Variants in IQSEC1 observed in about 807,000 individuals in gnomAD.
IQSEC1 encodes IQ motif and SEC7 domain-containing protein 1.
A neutral mutation model predicts 91.0 loss-of-function variants in IQSEC1; 31 were observed. That is an observed-to-expected ratio of 0.34 (90% CI 0.26 to 0.46). The LOEUF (loss-of-function observed/expected upper bound fraction) is 0.46. Ranked by LOEUF, IQSEC1 falls within the 20% of genes least tolerant of loss-of-function variation. The probability of loss-of-function intolerance (pLI) is 1.00; values close to 1 mark genes in which losing one functional copy is unlikely to be tolerated. For synonymous variants in IQSEC1, 699 were observed against 662.6 expected (o/e 1.05, Z -0.84); for missense variants, 1,388 against 1,575.6 (o/e 0.88, Z 2.02).
intron 2 of IQSEC1, among the ~76,000 whole-genome samples, chr3:13,112,789 G>T (rs147174176): frequency 6.6e-6 from 1 of 152,340 alleles, no homozygotes; most frequent in Non-Finnish European, 1.5e-5. Flanking sequence ...TGACCACAGG[G>T]CCCAGGTGAC....
chr3:13,111,524 G>A (rs1321319479), intron 2 of IQSEC1, among the ~76,000 whole-genome samples: 2 of 152,168 alleles, frequency 1.3e-5, no homozygotes, highest in Non-Finnish European at 2.9e-5. Context: ...CCTGACCCCT[G>A]GGCTAAACTC....
intron 1 of IQSEC1, among the ~76,000 whole-genome samples, chr3:12,952,504 C>A (rs1177842985): frequency 1.3e-5 from 2 of 152,214 alleles, no homozygotes; most frequent in Non-Finnish European, 2.9e-5. Context: ...GCTCTTCTAG[C>A]CTCACATGCC....
intron 2 of IQSEC1, among the ~76,000 whole-genome samples, chr3:13,096,071 CTA>C (rs1476814208): frequency 5.3e-5 from 8 of 152,204 alleles, no homozygotes; most frequent in Non-Finnish European, 2.9e-5. Flanking sequence ...ATCTGGGCTG[CTA>C]TGAGGCAGAG....
At chr3:13,262,138 T>C (rs181870234) in intron 1 of IQSEC1, among the ~76,000 whole-genome samples, 8 of 152,310 alleles carry the variant, frequency 5.3e-5, no homozygotes, top group South Asian at 2.1e-4. Flanking sequence ...CCGCTGGACC[T>C]GAGCCACACT....
At chr3:13,227,393 A>AAAAAAAAAAAAAAAAAAG (rs1055638536) in intron 1 of IQSEC1, among the ~76,000 whole-genome samples, 1 of 140,900 alleles carries the variant, frequency 7.1e-6, no homozygotes, top group Non-Finnish European at 1.5e-5. Context: ...AAAAAAAAAA[A>AAAAAAAAAAAAAAAAAAG]AAAGAAAGAA....
chr3:13,007,940 T>A (rs1405086866), intron 1 of IQSEC1, among the ~76,000 whole-genome samples: 1 of 152,042 alleles, frequency 6.6e-6, no homozygotes, highest in African/African-American at 2.4e-5. Context: ...GAATCCCCTG[T>A]CCTGTGGGAG....
chr3:12,925,005 C>T (rs1696986962), intron 3 of IQSEC1, among the ~76,000 whole-genome samples: 1 of 152,222 alleles, frequency 6.6e-6, no homozygotes, highest in Non-Finnish European at 1.5e-5. Context: ...CTGGTACAAA[C>T]ACCTTCACCT....
chr3:13,248,912 G>C (rs1695149987), intron 1 of IQSEC1, among the ~76,000 whole-genome samples: 1 of 98,704 alleles, frequency 1.0e-5, no homozygotes, highest in Non-Finnish European at 1.8e-5. Context: ...TGCACAGACA[G>C]GTTAAGTCAC....
chr3:12,986,875 C>T (rs1701763915), intron 1 of IQSEC1: 2 of 279,732 alleles, frequency 7.1e-6, no homozygotes, highest in Non-Finnish European at 7.4e-6. Context: ...CTCAGCTGCC[C>T]CAACAGACCA....
intron 1 of IQSEC1, among the ~76,000 whole-genome samples, chr3:13,028,303 T>A (rs1001197830): frequency 6.6e-6 from 1 of 152,230 alleles, no homozygotes; most frequent in Admixed American, 6.5e-5. Flanking sequence ...GGACATGACC[T>A]GCCAGGGTGG....
At chr3:13,047,086 GC>G (rs147422526) in intron 1 of IQSEC1, among the ~76,000 whole-genome samples, 27,723 of 152,088 alleles carry the variant, frequency 0.18, 2,731 homozygotes, top group South Asian at 0.37. Context: ...AAACCAACAG[GC>G]TTCTCCCCTG....
At position 13,057,677 on chromosome 3, in the gene IQSEC1, C is replaced by T. The variant is rs140546218; in HGVS notation, c.23+15315G>A. 9.2e-4 allele frequency among the ~76,000 whole-genome samples: 140 copies of T among 152,306 alleles called. 5 individuals carry two copies. The East Asian group carries it at 0.025, about 27-fold the overall frequency. Reference sequence around the variant, plus strand: ...GATTAGGCTAGGATGGGGCCCCAGACATCCCGCCTGCCAGCCTGGGGGCCC... The same window carrying T: ...GATTAGGCTAGGATGGGGCCCCAGATATCCCGCCTGCCAGCCTGGGGGCCC... On this transcript the variant is annotated intron_variant, in intron 1 of 13. Coordinates refer to ENST00000613206, the MANE Select transcript of IQSEC1 (RefSeq NM_001134382.3).
Position 12,911,737 on chromosome 3 carries a change from A to G in IQSEC1, c.2317-9T>C, listed in dbSNP as rs1485535970. 8 of 1,591,972 alleles carry G rather than the reference A, an allele frequency of 5.0e-6. No homozygotes were observed. The highest frequency in any genetic ancestry group is 1.1e-5 in the South Asian group (1 of 90,722). On this transcript the variant is annotated splice_polypyrimidine_tract_variant and intron_variant, in intron 9 of 13. Coordinates refer to ENST00000613206, the MANE Select transcript of IQSEC1 (RefSeq NM_001134382.3). Reference sequence around the variant, plus strand: ...TGGAAGATCTTGGTGACCTAGAGGCAGCCAGAGACAGAGCTGAGCTACAGT... The same window carrying G: ...TGGAAGATCTTGGTGACCTAGAGGCGGCCAGAGACAGAGCTGAGCTACAGT...
At chr3:13,229,106 A>G (rs148042431) in intron 1 of IQSEC1, among the ~76,000 whole-genome samples, 80 of 152,122 alleles carry the variant, frequency 5.3e-4, no homozygotes, top group African/African-American at 1.8e-3. Context: ...TCTCATATAC[A>G]CCCTCACACA....
chr3:13,273,865 CCT>C (rs1695628913), intron 1 of IQSEC1, among the ~76,000 whole-genome samples: 1 of 152,302 alleles, frequency 6.6e-6, no homozygotes, highest in Non-Finnish European at 1.5e-5. Context: ...CCTCCACCCT[CCT>C]CTCTCATGCC....
At chr3:13,080,033 C>T (rs755794772) in intron 2 of IQSEC1, among the ~76,000 whole-genome samples, 1 of 152,206 alleles carries the variant, frequency 6.6e-6, no homozygotes, top group Non-Finnish European at 1.5e-5. Flanking sequence ...GTATTGCTTG[C>T]AGATGGAACA....
At chr3:13,258,836 G>A (rs1431300915) in intron 1 of IQSEC1, among the ~76,000 whole-genome samples, 5 of 152,250 alleles carry the variant, frequency 3.3e-5, no homozygotes, top group Non-Finnish European at 5.9e-5. Context: ...CCACCCCACA[G>A]GGGCTGGCAC....
chr3:12,905,830 C>T (rs376710388), intron 12 of IQSEC1, among the ~76,000 whole-genome samples: 1 of 152,234 alleles, frequency 6.6e-6, no homozygotes, highest in Non-Finnish European at 1.5e-5. Flanking sequence ...GCAGGAGGGC[C>T]GCTGGGGGCC....
At chr3:13,101,772 G>T (rs1706069063) in intron 2 of IQSEC1, among the ~76,000 whole-genome samples, 1 of 152,178 alleles carries the variant, frequency 6.6e-6, no homozygotes, top group South Asian at 2.1e-4. Context: ...GAGTGGTACA[G>T]GCTGGAGATA....
Sources: allele counts gnomAD v4.1 joint callset (sites outside exome capture counted in the v4.1 genomes callset), GRCh38; gene constraint gnomAD v4.1.1; transcripts MANE v1.5; gene names NCBI Gene and HGNC (gene_info 2026-07-23, HGNC 2026-07-21).